Variants in LOXHD1 observed in about 807,000 individuals in gnomAD.
LOXHD1 encodes lipoxygenase homology domain-containing protein 1.
Under a neutral mutation model 248.2 loss-of-function variants are expected in LOXHD1, and 205 were observed. The observed-to-expected ratio is 0.83, with a 90% CI of 0.74 to 0.93. The LOEUF is 0.93. LOXHD1 is among the 40% of genes least tolerant of loss of function. LOXHD1 has a pLI of 0.00. For missense variants in LOXHD1, 2,930 were observed against 2,971.6 expected, an observed-to-expected ratio of 0.99 and a Z score of 0.33; for synonymous variants, 1,113 against 1,162.8, an observed-to-expected ratio of 0.96 and a Z score of 0.87.
chr18:46,614,801 A>G (rs2038562104), intron 5 of LOXHD1, among the ~76,000 whole-genome samples: 1 of 151,802 alleles, frequency 6.6e-6, no homozygotes, highest in African/African-American at 2.4e-5. Flanking sequence ...CTTTCTCTTA[A>G]TTTATCAGCC....
chr18:46,497,546 A>C (rs912734158), intron 37 of LOXHD1, among the ~76,000 whole-genome samples: 1 of 152,152 alleles, frequency 6.6e-6, no homozygotes, highest in Non-Finnish European at 1.5e-5. Context: ...TTTTTAAAAA[A>C]CCACTAAGGC....
chr18:46,628,008 G>C (rs557137470), intron 4 of LOXHD1, among the ~76,000 whole-genome samples: 2 of 152,174 alleles, frequency 1.3e-5, no homozygotes, highest in African/African-American at 4.8e-5. Flanking sequence ...AAGGCTCCCC[G>C]CAAAATGCCC....
chr18:46,557,868 T>C (rs976513467), intron 20 of LOXHD1: 4 of 1,183,154 alleles, frequency 3.4e-6, no homozygotes, highest in Non-Finnish European at 4.2e-6. Flanking sequence ...GGTGTGTGCA[T>C]AATCTGCTTC....
intron 38 of LOXHD1, among the ~76,000 whole-genome samples, chr18:46,487,550 C>T (rs1240052745): frequency 2.0e-5 from 3 of 152,186 alleles, no homozygotes; most frequent in African/African-American, 2.4e-5. Context: ...GAGCTCCTAC[C>T]ATGTGGGTTG....
At chr18:46,550,563 G>A (rs952818422) in intron 21 of LOXHD1, among the ~76,000 whole-genome samples, 1 of 105,304 alleles carries the variant, frequency 9.5e-6, no homozygotes, top group African/African-American at 3.3e-5. Flanking sequence ...CTGGGCGACA[G>A]AGCGAGACTC....
In LOXHD1 at chr18:46,489,015, A is replaced by G; in HGVS notation, c.6006T>C (p.Phe2002=). The G allele has an allele frequency of 6.4e-7, 1 of 1,551,696 alleles. No homozygotes were observed. The highest frequency in any genetic ancestry group is 8.7e-7 in the Non-Finnish European group (1 of 1,147,000). Residue 2002 remains phenylalanine, a synonymous_variant, in exon 38 of 41, where the codon TTT becomes TTC. Coordinates refer to ENST00000642948, the MANE Select transcript of LOXHD1 (RefSeq NM_001384474.1). ...SEGDGQTVRD[F]ACANNKICDE... is the part of the protein sequence containing the mutation. Reference sequence around the variant, plus strand: ...CACAGATCTTGTTGTTGGCACAGGCAAAGTCGCGGACCGTCTGCCCGTCAC... The same window carrying G: ...CACAGATCTTGTTGTTGGCACAGGCGAAGTCGCGGACCGTCTGCCCGTCAC...
chr18:46,507,412 CTTGGA>C, intron 36 of LOXHD1, 121 bp downstream of exon 36: 1 of 1,041,372 alleles, frequency 9.6e-7, no homozygotes, highest in Admixed American at 2.2e-5. Context: ...GTGGAGAAAA[CTTGGA>C]TTGACTAGAT....
intron 4 of LOXHD1, among the ~76,000 whole-genome samples, chr18:46,620,187 G>A (rs927143489): frequency 1.3e-5 from 2 of 152,100 alleles, no homozygotes; most frequent in East Asian, 3.9e-4. Flanking sequence ...TCCAGAGGCC[G>A]CCCCCCAGCC....
rs928329148 is a variant in LOXHD1, at chr18:46,612,953, C to T, written c.611-2029G>A. Among the ~76,000 whole-genome samples the T allele has an allele frequency of 8.1e-4, 124 of 152,158 alleles. 1 individual carries two copies. The highest frequency in any genetic ancestry group is 1.2e-4 in the Non-Finnish European group (8 of 67,930). Reference sequence around the variant, plus strand: ...TGCTTTATTTTGTTTATCCATCTAGCAATATCACACTGTTTTAGTTTTTAG... The same window carrying T: ...TGCTTTATTTTGTTTATCCATCTAGTAATATCACACTGTTTTAGTTTTTAG... On this transcript the variant is annotated intron_variant, in intron 5 of 40. Coordinates refer to ENST00000642948, the MANE Select transcript of LOXHD1 (RefSeq NM_001384474.1).
intron 37 of LOXHD1, among the ~76,000 whole-genome samples, chr18:46,489,499 AC>A (rs1172506337): frequency 6.6e-6 from 1 of 152,188 alleles, no homozygotes; most frequent in Admixed American, 6.5e-5. Context: ...GAGATCTCTG[AC>A]CCAAAATAGA....
chr18:46,545,234 T>C (rs965107331), intron 23 of LOXHD1, 83 bp downstream of exon 23: 17 of 967,978 alleles, frequency 1.8e-5, no homozygotes, highest in Non-Finnish European at 2.8e-5. Context: ...ATAATTAGGA[T>C]TCCCCTTGGA....
At chr18:46,538,733 C>T (rs1285092804) in intron 25 of LOXHD1, among the ~76,000 whole-genome samples, 5 of 152,168 alleles carry the variant, frequency 3.3e-5, no homozygotes, top group South Asian at 4.1e-4. Context: ...AAAGTGCCCT[C>T]GACATGGTGC....
intron 5 of LOXHD1, among the ~76,000 whole-genome samples, chr18:46,614,618 A>G (rs1351422288): frequency 6.6e-6 from 1 of 152,176 alleles, no homozygotes; most frequent in Non-Finnish European, 1.5e-5. Context: ...TACCTAATGT[A>G]AATGATGAGT....
At chr18:46,565,487 G>A (rs959872233) in intron 17 of LOXHD1, among the ~76,000 whole-genome samples, 4 of 152,214 alleles carry the variant, frequency 2.6e-5, no homozygotes, top group Non-Finnish European at 2.9e-5. Flanking sequence ...GGTTTTGTTC[G>A]TTTTGCTCAC....
chr18:46,529,717 C>T (rs2035980014), intron 28 of LOXHD1, among the ~76,000 whole-genome samples: 1 of 152,232 alleles, frequency 6.6e-6, no homozygotes, highest in Non-Finnish European at 1.5e-5. Flanking sequence ...AATAAAATGC[C>T]TTCCCATTTG....
intron 21 of LOXHD1, among the ~76,000 whole-genome samples, chr18:46,550,302 G>A (rs932520889): frequency 7.9e-5 from 12 of 151,716 alleles, no homozygotes; most frequent in African/African-American, 2.9e-4. Flanking sequence ...GGCCGGGCAC[G>A]GTGGCTCACG....
chr18:46,647,828 G>C (rs915740807), intron 2 of LOXHD1, among the ~76,000 whole-genome samples: 1 of 152,170 alleles, frequency 6.6e-6, no homozygotes, highest in Non-Finnish European at 1.5e-5. Flanking sequence ...GAAGTGGCAG[G>C]TCATTAACCC....
chr18:46,560,667 C>T, intron 18 of LOXHD1, 122 bp from the exon 19 acceptor site: 1 of 891,912 alleles, frequency 1.1e-6, no homozygotes. Context: ...ATGGAGAGGG[C>T]TGGGGCCTCT....
chr18:46,504,406 TCA>T (rs1218179387), intron 37 of LOXHD1, among the ~76,000 whole-genome samples: 2 of 152,196 alleles, frequency 1.3e-5, no homozygotes, highest in African/African-American at 2.4e-5. Context: ...GCCCCTGGCC[TCA>T]CAAAGTATTT....
Sources: gnomAD v4.1 joint callset for allele counts (sites outside exome capture counted in the v4.1 genomes callset) on GRCh38, gnomAD v4.1.1 for gene constraint, MANE v1.5 for transcripts, NCBI Gene and HGNC (gene_info 2026-07-23, HGNC 2026-07-21) for gene names.